The following RAD51B variants were observed in gnomAD, a reference collection of about 807,000 sequenced individuals.
RAD51B encodes DNA repair protein RAD51 homolog 2.
Under a neutral mutation model 42.2 loss-of-function variants are expected in RAD51B, and 38 were observed. The ratio of observed to expected loss-of-function variants is 0.90; its 90% CI spans 0.70 to 1.18. The LOEUF (loss-of-function observed/expected upper bound fraction) is 1.18, where lower values mean the gene tolerates loss of function less well. Among genes scored for constraint, RAD51B ranks in the 50% most tolerant of loss-of-function variants. The pLI is 0.00. For missense variants in RAD51B, 373 were observed against 400.7 expected (o/e 0.93, Z 0.59); for synonymous variants, 154 against 145.2 (o/e 1.06, Z -0.43).
chr14:68,033,938 T>C (rs1011749522), intron 7 of RAD51B, among the ~76,000 whole-genome samples: 1 of 152,200 alleles, frequency 6.6e-6, no homozygotes, highest in African/African-American at 2.4e-5. Context: ...TTTGATTGTT[T>C]CTTAGGAACA....
chr14:67,878,116 C>T (rs890085032), intron 5 of RAD51B, among the ~76,000 whole-genome samples: 4 of 152,126 alleles, frequency 2.6e-5, no homozygotes, highest in Admixed American at 2.6e-4. Flanking sequence ...TATCTTTAAT[C>T]CATCAGAAAT....
rs558305502 is a variant in RAD51B, at chr14:68,083,213, A to C, written c.756+196009A>C. ...AGATCTTAGAGTGAGAGGAGTAGAG[A>C]TTATGAAAGCAGTTTTACTTTTTGA... On this transcript the variant is annotated intron_variant, in intron 7 of 10. Coordinates refer to ENST00000471583, the MANE Select transcript of RAD51B (RefSeq NM_133510.4). 2.0e-5 allele frequency among the ~76,000 whole-genome samples: 3 copies of C among 152,338 alleles called. 1 individual carries two copies. The South Asian group carries it at 6.2e-4, about 32-fold the overall frequency.
intron 7 of RAD51B, among the ~76,000 whole-genome samples, chr14:68,039,064 T>G (rs8018029): frequency 0.064 from 9,723 of 152,124 alleles, 754 homozygotes; most frequent in African/African-American, 0.19. Flanking sequence ...AATCAGGGGC[T>G]GATTTATTGT....
chr14:68,681,307 G>A (rs1464282958), intron 11 of RAD51B, among the ~76,000 whole-genome samples: 6 of 152,172 alleles, frequency 3.9e-5, no homozygotes, highest in Non-Finnish European at 8.8e-5. Flanking sequence ...AATCAGCGGA[G>A]AGTCAGAGAG....
At chr14:68,179,077 G>T (rs1270188044) in intron 7 of RAD51B, among the ~76,000 whole-genome samples, 2 of 152,038 alleles carry the variant, frequency 1.3e-5, no homozygotes, top group African/African-American at 2.4e-5. Flanking sequence ...CCACCTTCCT[G>T]CAGAGTACTC....
intron 10 of RAD51B, among the ~76,000 whole-genome samples, chr14:68,532,252 A>G (rs1426634841): frequency 6.6e-6 from 1 of 152,190 alleles, no homozygotes; most frequent in African/African-American, 2.4e-5. Flanking sequence ...TCAGAAATTA[A>G]TGGAAAAGAA....
chr14:68,489,925 C>T (rs1320942839), intron 10 of RAD51B, among the ~76,000 whole-genome samples: 4 of 152,194 alleles, frequency 2.6e-5, no homozygotes, highest in Non-Finnish European at 4.4e-5. Context: ...GGCAGATGTG[C>T]TTCACTTGGT....
At chr14:68,334,835 A>G (rs1006752118) in intron 8 of RAD51B, among the ~76,000 whole-genome samples, 1 of 149,648 alleles carries the variant, frequency 6.7e-6, no homozygotes, top group African/African-American at 2.4e-5. Context: ...ATATTTTATG[A>G]TATATAGGAT....
intron 7 of RAD51B, among the ~76,000 whole-genome samples, chr14:67,999,214 C>T (rs2075437001): frequency 6.6e-6 from 1 of 152,034 alleles, no homozygotes; most frequent in African/African-American, 2.4e-5. Context: ...TCAGTGTTTA[C>T]AGTAGGACAG....
chr14:68,190,105 A>T (rs997699523), intron 7 of RAD51B, among the ~76,000 whole-genome samples: 11 of 152,264 alleles, frequency 7.2e-5, no homozygotes, highest in African/African-American at 2.7e-4. Context: ...TTGCTGACAT[A>T]TTAAAGGAAA....
intron 7 of RAD51B, among the ~76,000 whole-genome samples, chr14:68,067,431 T>C (rs1413532428): frequency 9.7e-5 from 13 of 134,160 alleles, no homozygotes; most frequent in Admixed American, 8.5e-4. Flanking sequence ...GCCACTGCAC[T>C]CCAACCTGGG....
chr14:68,431,642 T>G (rs1301777775), intron 9 of RAD51B, among the ~76,000 whole-genome samples: 4 of 152,194 alleles, frequency 2.6e-5, no homozygotes, highest in African/African-American at 9.6e-5. Context: ...TCTTCTCTCT[T>G]TTCTTCTTTA....
In RAD51B at chr14:68,552,728, G is replaced by A. The variant is rs1005303084; in HGVS notation, c.1037-41757G>A. On this transcript the variant is annotated intron_variant, in intron 10 of 10. Coordinates refer to the RAD51B transcript ENST00000487270. ...AAAAAGTTAGTAATAACACGTTTCTGTGGAGGCATTTCCATTCTCCACGCC... is the reference window on the plus strand; with the variant it reads ...AAAAAGTTAGTAATAACACGTTTCTATGGAGGCATTTCCATTCTCCACGCC... Among the ~76,000 whole-genome samples the A allele has an allele frequency of 2.6e-5, 4 of 152,130 alleles. No homozygotes were observed. In the East Asian group the frequency reaches 7.7e-4, roughly 29 times the overall value.
chr14:68,424,196 T>A (rs922553192), intron 9 of RAD51B, among the ~76,000 whole-genome samples: 1 of 152,178 alleles, frequency 6.6e-6, no homozygotes, highest in African/African-American at 2.4e-5. Flanking sequence ...AAATGATATC[T>A]ATTTCTTCAT....
At chr14:68,136,151 T>C (rs966350626) in intron 7 of RAD51B, among the ~76,000 whole-genome samples, 6 of 152,216 alleles carry the variant, frequency 3.9e-5, no homozygotes, top group Non-Finnish European at 7.3e-5. Context: ...ATCTAGACTG[T>C]GTAATTAAAA....
chr14:68,342,593 C>G, intron 8 of RAD51B, among the ~76,000 whole-genome samples: 1 of 152,184 alleles, frequency 6.6e-6, no homozygotes, highest in East Asian at 1.9e-4. Context: ...CTCTCTCTGT[C>G]TCTCTCTTTC....
downstream of RAD51B, among the ~76,000 whole-genome samples, chr14:68,599,891 T>A (rs1891149874): frequency 6.6e-6 from 1 of 152,216 alleles, no homozygotes; most frequent in Admixed American, 6.5e-5. Flanking sequence ...AGATTAGGCT[T>A]CACTTGCAGG....
chr14:68,671,097 A>G (rs1387827628), intron 11 of RAD51B, among the ~76,000 whole-genome samples: 2 of 152,140 alleles, frequency 1.3e-5, no homozygotes, highest in African/African-American at 4.8e-5. Context: ...CTCTGTTGGC[A>G]AAATGAAACT....
chr14:68,049,895 A>G (rs997665311), intron 7 of RAD51B, among the ~76,000 whole-genome samples: 1 of 152,200 alleles, frequency 6.6e-6, no homozygotes, highest in African/African-American at 2.4e-5. Flanking sequence ...GTCTTCTGTA[A>G]TCTGGCTGTA....
Sources: allele counts gnomAD v4.1 joint callset (sites outside exome capture counted in the v4.1 genomes callset), GRCh38; gene constraint gnomAD v4.1.1; transcripts MANE v1.5; gene names NCBI Gene and HGNC (gene_info 2026-07-23, HGNC 2026-07-21).